The following MYLK variants were observed in gnomAD, a reference collection of about 807,000 sequenced individuals.
MYLK encodes the protein myosin light chain kinase, smooth muscle.
A neutral mutation model predicts 203.4 loss-of-function variants in MYLK; 106 were observed. The ratio of observed to expected loss-of-function variants is 0.52; its 90% CI spans 0.45 to 0.61. The LOEUF is 0.61. MYLK is among the 20% of genes least tolerant of loss of function. The probability of loss-of-function intolerance (pLI) is 0.00; values close to 1 mark genes in which losing one functional copy is unlikely to be tolerated. For missense variants in MYLK, 2,072 were observed against 2,442.3 expected (o/e 0.85, Z 3.20); for synonymous variants, 867 against 959.5 (o/e 0.90, Z 1.78).
chr3:123,737,333 C>T, intron 8 of MYLK, 45 bp downstream of exon 8: 1 of 1,613,706 alleles, frequency 6.2e-7, no homozygotes, highest in Non-Finnish European at 8.5e-7. Context: ...GAGGGTGCGG[C>T]ACCAGGCAGG....
chr3:123,762,213 T>G (rs2063558073), intron 4 of MYLK, among the ~76,000 whole-genome samples: 1 of 152,068 alleles, frequency 6.6e-6, no homozygotes. Flanking sequence ...AACAATAGTC[T>G]TACACAACTA....
intron 4 of MYLK, among the ~76,000 whole-genome samples, chr3:123,791,435 A>C (rs777106674): frequency 6.6e-6 from 1 of 152,172 alleles, no homozygotes; most frequent in Non-Finnish European, 1.5e-5. Flanking sequence ...CTGATGCAAA[A>C]GTCTCTGTGT....
Position 123,732,840 on chromosome 3 carries a change from C to CT in MYLK, c.1516+55_1516+56insA, listed in dbSNP as rs561244318. 13 of 1,546,456 alleles carry CT rather than the reference C, an allele frequency of 8.4e-6. No individual in the cohort carries two copies. The South Asian group carries it at 1.1e-4, about 13-fold the overall frequency. On this transcript the variant is annotated intron_variant, in intron 11 of 33. Transcript: ENST00000360304. The stretch of plus-strand genomic sequence containing the variant: ...TGAACCATCTGCAGAAGGTGAAGCA[C>CT]CCCATGAATGGTTGTCCCACAGAGA...
chr3:123,757,409 C>A (rs1341770078), intron 4 of MYLK, among the ~76,000 whole-genome samples: 1 of 152,070 alleles, frequency 6.6e-6, no homozygotes, highest in South Asian at 2.1e-4. Flanking sequence ...CAGGGCCTGG[C>A]GCAATGCACA....
intron 4 of MYLK, among the ~76,000 whole-genome samples, chr3:123,765,488 G>A (rs564641090): frequency 1.5e-4 from 22 of 150,198 alleles, no homozygotes; most frequent in African/African-American, 4.2e-4. Flanking sequence ...CCGAGATTGC[G>A]CCATTGCACT....
chr3:123,635,890 G>T (rs2058624965), intron 29 of MYLK, among the ~76,000 whole-genome samples: 1 of 152,048 alleles, frequency 6.6e-6, no homozygotes, highest in African/African-American at 2.4e-5. Context: ...TCACACAATG[G>T]GATACTACAT....
rs145222232 is a variant in MYLK at position 123,701,491 on chromosome 3, G to A, written c.2409C>T (p.Cys803=). ...EILLKNRVGE[C]SCQVSLMLQN... is the part of the protein sequence containing the mutation. ...GTAGCATCAGTGACACCTGGCAACT[G>A]CATTCGCCAACCCGGTTCCTGAAGA... is the stretch of plus-strand genomic sequence containing the variant. The change falls in exon 17 of 34, where the codon TGC becomes TGT. Residue 803 remains cysteine, a synonymous_variant. Transcript: ENST00000360304. 2.5e-6 allele frequency: 4 copies of A among 1,613,994 alleles called. No homozygotes were observed. Among genetic ancestry groups the A allele is most frequent in the Non-Finnish European group, 3.4e-6 (4 of 1,180,000 alleles).
At chr3:123,832,734 A>T (rs1433781642) in intron 2 of MYLK, among the ~76,000 whole-genome samples, 2 of 152,096 alleles carry the variant, frequency 1.3e-5, no homozygotes, top group African/African-American at 4.8e-5. Flanking sequence ...ACCATCTTGG[A>T]AGCAGAAAAC....
chr3:123,754,815 T>C (rs919067299), intron 4 of MYLK, among the ~76,000 whole-genome samples: 6 of 152,212 alleles, frequency 3.9e-5, no homozygotes, highest in African/African-American at 1.4e-4. Context: ...TGCTGTATAA[T>C]GAATGTATAT....
chr3:123,629,665 G>A lies in MYLK; in HGVS notation c.4962-39C>T, dbSNP rs752645090. 1.2e-6 allele frequency: 2 copies of A among 1,612,240 alleles called. No individual in the cohort carries two copies. Among genetic ancestry groups the A allele is most frequent in the East Asian group, 2.2e-5 (1 of 44,844 alleles). On this transcript the variant is annotated intron_variant, in intron 29 of 33. Coordinates refer to ENST00000360304, the MANE Select transcript of MYLK (RefSeq NM_053025.4). This position sits in a 1 kb window ranked among gnomAD's most constrained non-coding sequence, Gnocchi z 4.4. ...AGCAGGACAGCAGGTGTGGCTAGGA[G>A]AGGGCGCGACGACCAGGTGAGTGGT... is the stretch of plus-strand genomic sequence containing the variant.
At chr3:123,747,400 TG>T (rs1312119701) in intron 5 of MYLK, among the ~76,000 whole-genome samples, 8 of 151,742 alleles carry the variant, frequency 5.3e-5, no homozygotes, top group African/African-American at 1.7e-4. Context: ...GAGGGGTGGC[TG>T]GGGGTAGGGA....
At chr3:123,735,305 T>C (rs746015280) in intron 9 of MYLK, 93 bp downstream of exon 9, 123 of 1,529,036 alleles carry the variant, frequency 8.0e-5, no homozygotes, top group Non-Finnish European at 1.1e-4. Context: ...TTCTGCCCCA[T>C]AAGATGATTC....
chr3:123,719,083 A>G (rs894666992), intron 13 of MYLK, among the ~76,000 whole-genome samples: 5 of 152,190 alleles, frequency 3.3e-5, no homozygotes, highest in African/African-American at 7.2e-5. Context: ...GAAAGCATGA[A>G]GGGCTGGCTG....
Position 123,632,126 on chromosome 3 carries a change from C to T in MYLK, c.4962-2500G>A, listed in dbSNP as rs551430926. Among the ~76,000 whole-genome samples the T allele has an allele frequency of 3.3e-5, 5 of 152,272 alleles. No individual in the cohort carries two copies. In the South Asian group the frequency reaches 8.3e-4, roughly 25 times the overall value. ...ACCTCGTGTCGTGATCTGCCTGCCTCGGCCTCCCAAAGTGCTGGGATTACA... is the reference window on the plus strand; with the variant it reads ...ACCTCGTGTCGTGATCTGCCTGCCTTGGCCTCCCAAAGTGCTGGGATTACA... On this transcript the variant is annotated intron_variant, in intron 29 of 33. Coordinates refer to ENST00000360304, the MANE Select transcript of MYLK (RefSeq NM_053025.4).
rs539301944 is a variant in MYLK at position 123,696,115 on chromosome 3, G to T, written c.3449-3264C>A. Among the ~76,000 whole-genome samples, 175 of 152,332 alleles carry T rather than the reference G, an allele frequency of 1.1e-3. 1 individual carries two copies. Among genetic ancestry groups the T allele is most frequent in the Middle Eastern group, 6.8e-3 (2 of 294 alleles). ...CTCTTCTGCTTTCCTCAGCACGAAAGGGGGTGAACTAAATGGGGTGATGTA... is the reference window on the plus strand; with the variant it reads ...CTCTTCTGCTTTCCTCAGCACGAAATGGGGTGAACTAAATGGGGTGATGTA... On this transcript the variant is annotated intron_variant, in intron 18 of 33. Coordinates refer to ENST00000360304, the MANE Select transcript of MYLK (RefSeq NM_053025.4).
chr3:123,761,515 T>C (rs2063533448), intron 4 of MYLK, among the ~76,000 whole-genome samples: 1 of 152,154 alleles, frequency 6.6e-6, no homozygotes, highest in Admixed American at 6.5e-5. Flanking sequence ...AGAGCATCTC[T>C]TTGACTCTGC....
intron 5 of MYLK, among the ~76,000 whole-genome samples, chr3:123,751,252 G>C (rs1486731851): frequency 6.6e-6 from 1 of 152,180 alleles, no homozygotes; most frequent in Non-Finnish European, 1.5e-5. Context: ...TGTCAGCCAG[G>C]GACCTGAACT....
intron 3 of MYLK, among the ~76,000 whole-genome samples, chr3:123,809,663 A>G (rs1228631373): frequency 6.6e-6 from 1 of 152,218 alleles, no homozygotes; most frequent in Non-Finnish European, 1.5e-5. Flanking sequence ...GCTCAGACAC[A>G]CTATCCTAAA....
intron 2 of MYLK, among the ~76,000 whole-genome samples, chr3:123,849,735 G>A (rs1234871774): frequency 6.6e-6 from 1 of 151,738 alleles, no homozygotes; most frequent in Non-Finnish European, 1.5e-5. Flanking sequence ...TTTTTTCTGA[G>A]TACATTTATT....
Sources: gnomAD v4.1 joint callset for allele counts (sites outside exome capture counted in the v4.1 genomes callset) on GRCh38, gnomAD v4.1.1 for gene constraint, Gnocchi (gnomAD v3.1) non-coding constraint, MANE v1.5 for transcripts, NCBI Gene and HGNC (gene_info 2026-07-23, HGNC 2026-07-21) for gene names.